Variants in NCOA1 observed in about 807,000 individuals in gnomAD.
NCOA1 encodes the protein nuclear receptor coactivator 1.
A neutral mutation model predicts 150.9 loss-of-function variants in NCOA1; 35 were observed. That is an observed-to-expected ratio of 0.23 (90% CI 0.18 to 0.31). NCOA1 has a LOEUF of 0.31. NCOA1 is among the 10% of genes least tolerant of loss of function. The probability of loss-of-function intolerance (pLI) is 1.00; values close to 1 mark genes in which losing one functional copy is unlikely to be tolerated. For missense variants in NCOA1, 1,491 were observed against 1,749.3 expected, an observed-to-expected ratio of 0.85 and a Z score of 2.63; for synonymous variants, 590 against 630.0, an observed-to-expected ratio of 0.94 and a Z score of 0.95.
chr2:24,640,707 T>A (rs1043608424), intron 3 of NCOA1, among the ~76,000 whole-genome samples: 6 of 152,182 alleles, frequency 3.9e-5, no homozygotes, highest in African/African-American at 1.4e-4. Flanking sequence ...GAAACTTCCC[T>A]TTTTATGTTT....
rs756980531 is a variant in NCOA1, at chr2:24,707,626, T to G, written c.2156T>G (p.Val719Gly). The G allele has an allele frequency of 6.2e-7, 1 of 1,614,216 alleles. No individual in the cohort carries two copies. The highest frequency in any genetic ancestry group is 1.1e-5 in the South Asian group (1 of 91,084). ...PDKKDSASTS[V>G]SVTGQVQGNS... ...AAAAAGGACAGTGCATCTACTTCTG[T>G]GTCAGTGACTGGACAGGTACAAGGA... The change falls in exon 13 of 23, where the codon GTG (valine) becomes GGG (glycine). Residue 719 changes from valine to glycine, a missense_variant. Coordinates refer to ENST00000348332, the MANE Select transcript of NCOA1 (RefSeq NM_003743.5).
chr2:24,657,434 G>T (rs1490796636), intron 4 of NCOA1, among the ~76,000 whole-genome samples: 2 of 152,068 alleles, frequency 1.3e-5, no homozygotes, highest in African/African-American at 4.8e-5. Context: ...TAAAAGAGAA[G>T]AATAAAAAAT....
At chr2:24,700,955 A>G (rs1289021323) in intron 11 of NCOA1, among the ~76,000 whole-genome samples, 1 of 152,224 alleles carries the variant, frequency 6.6e-6, no homozygotes, top group Non-Finnish European at 1.5e-5. Context: ...GGTGATTTAT[A>G]AGATATATTT....
intron 17 of NCOA1, among the ~76,000 whole-genome samples, chr2:24,737,719 G>C (rs543931813): frequency 1.3e-5 from 2 of 152,204 alleles, no homozygotes; most frequent in Admixed American, 1.3e-4. Flanking sequence ...TGCTCCCTCT[G>C]TGCTGCCGTA....
At chr2:24,640,534 A>G (rs1432469219) in intron 3 of NCOA1, among the ~76,000 whole-genome samples, 1 of 152,180 alleles carries the variant, frequency 6.6e-6, no homozygotes, top group Non-Finnish European at 1.5e-5. Flanking sequence ...CTGGCCGGGC[A>G]TGGTGGCTCA....
At position 24,584,474 on chromosome 2, in the gene NCOA1, A is replaced by C. The variant is rs759242547; in HGVS notation, c.-259-2A>C. 1 of 152,206 alleles carries C rather than the reference A, an allele frequency of 6.6e-6. No homozygotes were observed. The highest frequency in any genetic ancestry group is 1.5e-5 in the Non-Finnish European group (1 of 68,024). The allele number at this position is 152,206 out of a possible 1,614,324, so 9.4% of individuals were successfully genotyped here. On this transcript the variant is annotated splice_acceptor_variant, in intron 2 of 22. Transcript: ENST00000348332. LOFTEE classifies it low-confidence loss of function (5UTR_SPLICE). ...ATTGACTTACTGTTTTCCTAATTTC[A>C]GGTTCCAGTTACAGCTATATCAGAG...
At chr2:24,704,999 G>T in intron 11 of NCOA1, 87 bp from the exon 12 acceptor site, 1 of 1,396,550 alleles carries the variant, frequency 7.2e-7, no homozygotes, top group Non-Finnish European at 9.8e-7. Flanking sequence ...TTTAAAATGA[G>T]GTTCTAAGTA....
chr2:24,531,575 T>C (rs990231850), intron 1 of NCOA1, among the ~76,000 whole-genome samples: 61 of 152,100 alleles, frequency 4.0e-4, no homozygotes, highest in Admixed American at 2.0e-4. Context: ...TCATTTACAT[T>C]AGGTATTTAT....
Position 24,707,075 on chromosome 2 carries a change from C to T in NCOA1, c.1605C>T (p.Asn535=). 1.2e-6 allele frequency: 2 copies of T among 1,614,180 alleles called. No individual in the cohort carries two copies. The highest frequency in any genetic ancestry group is 1.7e-6 in the Non-Finnish European group (2 of 1,180,024). Reference sequence around the variant, plus strand: ...ATAATAATAACCGATCTTATTCAAACATCCCAGTAACATCTTTACAGGGTA... The same window carrying T: ...ATAATAATAACCGATCTTATTCAAATATCCCAGTAACATCTTTACAGGGTA... ...ACNNNNRSYS[N]IPVTSLQGMN... Residue 535 remains asparagine (N), a synonymous_variant, in exon 13 of 23, where the codon AAC becomes AAT. Transcript: ENST00000348332.
chr2:24,499,529 A>G (rs1284744542), intron 1 of NCOA1, among the ~76,000 whole-genome samples: 2 of 149,918 alleles, frequency 1.3e-5, no homozygotes, highest in Non-Finnish European at 3.0e-5. Flanking sequence ...CATACCATTG[A>G]CTTTTTTTTT....
intron 3 of NCOA1, among the ~76,000 whole-genome samples, chr2:24,628,535 C>T (rs1304283143): frequency 2.0e-5 from 3 of 151,964 alleles, no homozygotes; most frequent in African/African-American, 7.3e-5. Flanking sequence ...AATACCTACA[C>T]GGAGCTTACA....
chr2:24,651,765 A>G lies in NCOA1; in HGVS notation c.-17-6896A>G, dbSNP rs56326834. ...TCCAAATAAGACATACAAATGGCCA[A>G]TGAGTGCAAGAAAAGATGCTTGGTG... On this transcript the variant is annotated intron_variant, in intron 4 of 22. Coordinates refer to ENST00000348332, the MANE Select transcript of NCOA1 (RefSeq NM_003743.5). Among the ~76,000 whole-genome samples, 413 of 152,256 alleles carry G rather than the reference A, an allele frequency of 2.7e-3. 6 individuals carry two copies. The highest frequency in any genetic ancestry group is 9.4e-3 in the African/African-American group (392 of 41,574).
intron 11 of NCOA1, among the ~76,000 whole-genome samples, chr2:24,702,536 AG>A: frequency 6.6e-6 from 1 of 152,164 alleles, no homozygotes; most frequent in Admixed American, 6.5e-5. Flanking sequence ...TGCTGTAACC[AG>A]GGAAAATTTA....
chr2:24,652,695 G>A (rs570731650), intron 4 of NCOA1, among the ~76,000 whole-genome samples: 3 of 152,150 alleles, frequency 2.0e-5, no homozygotes, highest in South Asian at 4.1e-4. Context: ...GATAAATGTA[G>A]TTTCTAGTTC....
At chr2:24,732,320 G>A (rs937366657) in intron 17 of NCOA1, among the ~76,000 whole-genome samples, 4 of 152,160 alleles carry the variant, frequency 2.6e-5, no homozygotes, top group African/African-American at 9.7e-5. Flanking sequence ...CCACCAAGTT[G>A]AAGAAACACA....
intron 4 of NCOA1, among the ~76,000 whole-genome samples, chr2:24,655,820 G>A (rs1203046860): frequency 6.6e-6 from 1 of 152,168 alleles, no homozygotes; most frequent in Non-Finnish European, 1.5e-5. Context: ...CGGGCATGGT[G>A]GCTCACGCCT....
intron 1 of NCOA1, among the ~76,000 whole-genome samples, chr2:24,521,277 T>C (rs1477398725): frequency 6.6e-6 from 1 of 152,202 alleles, no homozygotes; most frequent in Non-Finnish European, 1.5e-5. Flanking sequence ...TTAGCAATTT[T>C]ACAGTGCATT....
intron 3 of NCOA1, among the ~76,000 whole-genome samples, chr2:24,624,643 T>G (rs1669322705): frequency 6.6e-6 from 1 of 152,220 alleles, no homozygotes; most frequent in Admixed American, 6.5e-5. Flanking sequence ...TACTGAGTGT[T>G]TTGTTGATGA....
chr2:24,624,758 A>G (rs909166157), intron 3 of NCOA1, among the ~76,000 whole-genome samples: 6 of 152,252 alleles, frequency 3.9e-5, no homozygotes. Flanking sequence ...TATTTTGAAC[A>G]GAATATTTTC....
Sources: allele counts gnomAD v4.1 joint callset (sites outside exome capture counted in the v4.1 genomes callset), GRCh38; gene constraint gnomAD v4.1.1; transcripts MANE v1.5; gene names NCBI Gene and HGNC (gene_info 2026-07-23, HGNC 2026-07-21).